The following ELOVL6 variants were observed in gnomAD, a reference collection of about 807,000 sequenced individuals.
The protein encoded by ELOVL6 is very long chain fatty acid elongase 6.
ELOVL6 carries 8 observed loss-of-function variants against 31.7 expected under a neutral mutation model. The observed-to-expected ratio is 0.25, with a 90% CI of 0.15 to 0.45. ELOVL6 has a LOEUF of 0.45. ELOVL6 is among the 20% of genes least tolerant of loss of function. ELOVL6 has a pLI of 1.00. For missense variants in ELOVL6, 126 were observed against 326.4 expected, an observed-to-expected ratio of 0.39 and a Z score of 4.73; for synonymous variants, 101 against 117.7, an observed-to-expected ratio of 0.86 and a Z score of 0.92.
intron 1 of ELOVL6, among the ~76,000 whole-genome samples, chr4:110,156,045 GCTTTC>G (rs1758407502): frequency 6.6e-6 from 1 of 152,188 alleles, no homozygotes; most frequent in Non-Finnish European, 1.5e-5. Context: ...AAATATGCCT[GCTTTC>G]CTTTCTTTAA....
intron 1 of ELOVL6, among the ~76,000 whole-genome samples, chr4:110,193,922 A>G (rs757654705): frequency 6.6e-6 from 1 of 152,156 alleles, no homozygotes; most frequent in Non-Finnish European, 1.5e-5. Context: ...CACATACATA[A>G]TGTTACAGCA....
At chr4:110,171,411 A>AAATAAAT (rs1553962234) in intron 1 of ELOVL6, among the ~76,000 whole-genome samples, 2 of 146,408 alleles carry the variant, frequency 1.4e-5, no homozygotes, top group African/African-American at 5.1e-5. Flanking sequence ...CTCCATCTCA[A>AAATAAAT]AAATAAATAA....
intron 1 of ELOVL6, among the ~76,000 whole-genome samples, chr4:110,146,166 A>C (rs910760488): frequency 9.2e-5 from 14 of 152,308 alleles, no homozygotes; most frequent in African/African-American, 1.4e-4. Context: ...AATGGACAGA[A>C]TAGAGAACCC....
At chr4:110,195,310 G>C (rs533592622) in intron 1 of ELOVL6, among the ~76,000 whole-genome samples, 60 of 152,058 alleles carry the variant, frequency 3.9e-4, no homozygotes, top group African/African-American at 1.4e-3. Context: ...AGTAGAGATG[G>C]GGTTTCACCA....
At chr4:110,077,655 A>C (rs1237471577) in intron 2 of ELOVL6, among the ~76,000 whole-genome samples, 1 of 152,298 alleles carries the variant, frequency 6.6e-6, no homozygotes, top group East Asian at 1.9e-4. Context: ...AGAGCAGAAA[A>C]ACTGGAAACT....
intron 1 of ELOVL6, among the ~76,000 whole-genome samples, chr4:110,141,873 AT>A (rs1560841744): frequency 6.9e-6 from 1 of 144,160 alleles, no homozygotes; most frequent in Non-Finnish European, 1.5e-5. Flanking sequence ...ATATATATAT[AT>A]ACTAATACAA....
At chr4:110,079,906 G>T (rs1294896591) in intron 2 of ELOVL6, among the ~76,000 whole-genome samples, 2 of 151,886 alleles carry the variant, frequency 1.3e-5, no homozygotes, top group Admixed American at 6.6e-5. Flanking sequence ...TGATAAAGGG[G>T]ATATCACCAC....
intron 1 of ELOVL6, among the ~76,000 whole-genome samples, chr4:110,161,155 A>G (rs1456835090): frequency 3.3e-5 from 5 of 152,202 alleles, no homozygotes; most frequent in Non-Finnish European, 4.4e-5. Context: ...ACAAACGCCC[A>G]TGTAATGGAT....
At chr4:110,115,337 A>G (rs1757142277) in intron 1 of ELOVL6, among the ~76,000 whole-genome samples, 1 of 152,238 alleles carries the variant, frequency 6.6e-6, no homozygotes, top group Admixed American at 6.5e-5. Context: ...GGCAGTAATC[A>G]GAAGAAATAT....
chr4:110,118,920 G>A (rs1013140374), intron 1 of ELOVL6, among the ~76,000 whole-genome samples: 36 of 152,078 alleles, frequency 2.4e-4, no homozygotes, highest in African/African-American at 6.5e-4. Flanking sequence ...AATTAGCCAC[G>A]CATGGTGGTA....
Position 110,047,425 on chromosome 4 carries a change from C to A in ELOVL6, c.*3913G>T, listed in dbSNP as rs918095386. ...GGTCTCTGAGTAGAGGCTGTACTATCAGAATAAAGAAAAAATAGTAACCTG... is the reference window on the plus strand; with the variant it reads ...GGTCTCTGAGTAGAGGCTGTACTATAAGAATAAAGAAAAAATAGTAACCTG... On this transcript the variant is annotated 3_prime_UTR_variant, in exon 4 of 4. Coordinates refer to ENST00000302274, the MANE Select transcript of ELOVL6 (RefSeq NM_024090.3). The A allele has an allele frequency of 6.6e-6, 1 of 151,924 alleles. No homozygotes were observed. Among genetic ancestry groups the A allele is most frequent in the African/African-American group, 2.4e-5 (1 of 41,362 alleles). 9.4% of individuals were successfully genotyped at this position (151,924 alleles called of 1,614,324 possible).
rs866154163 is a variant in ELOVL6 at position 110,158,637 on chromosome 4, A to G, written c.89+39610T>C. Among the ~76,000 whole-genome samples, 144 of 66,954 alleles carry G rather than the reference A, an allele frequency of 2.2e-3. 2 individuals are homozygous for G. Among genetic ancestry groups the G allele is most frequent in the African/African-American group, 8.5e-3 (126 of 14,804 alleles). 43.9% of individuals were successfully genotyped at this position (66,954 alleles called of 152,430 possible). On this transcript the variant is annotated intron_variant, in intron 1 of 3. Coordinates refer to ENST00000302274, the MANE Select transcript of ELOVL6 (RefSeq NM_024090.3). Reference sequence around the variant, plus strand: ...TATACACACACATATATACACGTGTATATATATATATATATATATATTTTT... The same window carrying G: ...TATACACACACATATATACACGTGTGTATATATATATATATATATATTTTT...
At chr4:110,058,121 A>C (rs796897502) in intron 3 of ELOVL6, among the ~76,000 whole-genome samples, 2 of 152,336 alleles carry the variant, frequency 1.3e-5, no homozygotes, top group African/African-American at 2.4e-5. Context: ...GGCCTGGTTC[A>C]TAAAATCTGT....
intron 1 of ELOVL6, among the ~76,000 whole-genome samples, chr4:110,179,640 G>T (rs1759214458): frequency 6.6e-6 from 1 of 152,156 alleles, no homozygotes; most frequent in African/African-American, 2.4e-5. Flanking sequence ...GCTATTGATG[G>T]TCTGGCCTAA....
chr4:110,126,821 CATG>C (rs1324389089), intron 1 of ELOVL6, among the ~76,000 whole-genome samples: 2 of 152,134 alleles, frequency 1.3e-5, no homozygotes, highest in East Asian at 3.9e-4. Context: ...ATGCTTTTAT[CATG>C]ATGATTTAGC....
rs1380152641 is a variant in ELOVL6 at position 110,142,100 on chromosome 4, T to C, written c.90-36472A>G. On this transcript the variant is annotated intron_variant, in intron 1 of 3. Coordinates refer to ENST00000302274, the MANE Select transcript of ELOVL6 (RefSeq NM_024090.3). The stretch of plus-strand genomic sequence containing the variant: ...TTTTTTTTTTTTTTGAGACGGAGTC[T>C]CGCTGTGTCACCCAGGCTGGAGTGC... Among the ~76,000 whole-genome samples the C allele has an allele frequency of 2.4e-5, 3 of 127,024 alleles. No homozygotes were observed. The Admixed American group carries it at 2.8e-4, about 12-fold the overall frequency. The allele number at this position is 127,024 out of a possible 152,430, so 83.3% of individuals were successfully genotyped here.
At chr4:110,066,739 T>C (rs915851911) in intron 2 of ELOVL6, among the ~76,000 whole-genome samples, 3 of 151,822 alleles carry the variant, frequency 2.0e-5, no homozygotes, top group African/African-American at 4.8e-5. Flanking sequence ...CTTTCCACAC[T>C]TGAGAACAAG....
At chr4:110,104,255 C>G (rs926040098) in intron 2 of ELOVL6, among the ~76,000 whole-genome samples, 2 of 152,058 alleles carry the variant, frequency 1.3e-5, no homozygotes, top group Non-Finnish European at 2.9e-5. Flanking sequence ...ACTCTGTCAA[C>G]CTTAAATGTA....
At chr4:110,093,043 G>C (rs546714204) in intron 2 of ELOVL6, 56 of 424,778 alleles carry the variant, frequency 1.3e-4, no homozygotes, top group Middle Eastern at 6.9e-4. Context: ...TTTCAAAAGA[G>C]CTATGGTATT....
Sources: allele counts gnomAD v4.1 joint callset (sites outside exome capture counted in the v4.1 genomes callset), GRCh38; gene constraint gnomAD v4.1.1; transcripts MANE v1.5; gene names NCBI Gene and HGNC (gene_info 2026-07-23, HGNC 2026-07-21).